ADD2: variants seen among roughly 807,000 people sequenced by gnomAD.
ADD2 encodes adducin 2, also known as beta-adducin.
ADD2 carries 23 observed loss-of-function variants against 83.0 expected under a neutral mutation model. The observed-to-expected ratio is 0.28, with a 90% CI of 0.20 to 0.39. The LOEUF (loss-of-function observed/expected upper bound fraction) is 0.39. Among genes scored for constraint, ADD2 ranks in the 10% least tolerant of loss-of-function variants. The pLI is 1.00. For missense variants in ADD2, 758 were observed against 944.9 expected, an observed-to-expected ratio of 0.80 and a Z score of 2.59; for synonymous variants, 375 against 375.4, an observed-to-expected ratio of 1.00 and a Z score of 0.01.
chr2:70,750,075 T>C (rs528926842), intron 1 of ADD2, among the ~76,000 whole-genome samples: 2 of 151,284 alleles, frequency 1.3e-5, no homozygotes, highest in African/African-American at 2.4e-5. Flanking sequence ...AGGTGCCTGA[T>C]GATGCTCTTG....
intron 1 of ADD2, among the ~76,000 whole-genome samples, chr2:70,739,729 G>A (rs1303101764): frequency 1.3e-5 from 2 of 152,230 alleles, no homozygotes; most frequent in Non-Finnish European, 2.9e-5. Context: ...AGGCACATGG[G>A]TGAAGCTGGA....
intron 1 of ADD2, among the ~76,000 whole-genome samples, chr2:70,753,804 G>GA (rs1423627734): frequency 2.6e-5 from 4 of 152,136 alleles, no homozygotes; most frequent in African/African-American, 9.7e-5. Context: ...CCATGCATCT[G>GA]AAAAAGCCTA....
In ADD2 at chr2:70,692,420, T is replaced by C. The variant is rs1671089877; in HGVS notation, c.688A>G (p.Thr230Ala). ...CCACTCACCGCTGCTGTGGCCGGTG[T>C]GTGCAGGTGGATGATGCAGCGCACG... ...PDVRCIIHLH[T>A]PATAAVSAMK... Residue 230 changes from threonine to alanine, a missense_variant, in exon 7 of 16, where the codon ACA becomes GCA. By Grantham distance (58) the Thr-to-Ala change is moderately conservative (BLOSUM62 0). This residue lies in a region of ADD2 where 394 missense variants were observed against 509.3 expected (regional missense o/e 0.77). Coordinates refer to ENST00000264436, the MANE Select transcript of ADD2 (RefSeq NM_001617.4). The C allele has an allele frequency of 1.3e-6, 2 of 1,580,432 alleles. No individual in the cohort carries two copies. The highest frequency in any genetic ancestry group is 1.2e-5 in the South Asian group (1 of 86,516).
chr2:70,671,522 T>C (rs1271005193), intron 15 of ADD2, among the ~76,000 whole-genome samples: 1 of 152,126 alleles, frequency 6.6e-6, no homozygotes, highest in Non-Finnish European at 1.5e-5. Flanking sequence ...CCCTCCCCCA[T>C]TGCAAGGGTT....
At chr2:70,683,022 C>CTT (rs35087942) in intron 10 of ADD2, among the ~76,000 whole-genome samples, 2,474 of 124,476 alleles carry the variant, frequency 0.02, 83 homozygotes, top group South Asian at 0.047. Flanking sequence ...GGAGTATGAC[C>CTT]TTTTTTTTTT....
At position 70,672,977 on chromosome 2, in the gene ADD2, C is replaced by T. The variant is rs782427414; in HGVS notation, c.1771G>A (p.Gly591Ser). The change falls in exon 15 of 16, where the codon GGC becomes AGC. Residue 591 changes from glycine (G) to serine (S), a missense_variant. Physicochemically the swap from Gly to Ser is moderately conservative, Grantham distance 56. Transcript: ENST00000264436. ...GEKETAPEEP[G>S]SPAKSAPASP... Reference sequence around the variant, plus strand: ...GCAGGTGCAGACTTTGCAGGTGAGCCAGGCTCTTCTGGGGCAGTTTCTTTC... The same window carrying T: ...GCAGGTGCAGACTTTGCAGGTGAGCTAGGCTCTTCTGGGGCAGTTTCTTTC... 6.2e-7 allele frequency: 1 copy of T among 1,613,792 alleles called. No homozygotes were observed. The highest frequency in any genetic ancestry group is 1.3e-5 in the African/African-American group (1 of 74,916).
At chr2:70,699,067 T>G (rs1210695967) in intron 4 of ADD2, among the ~76,000 whole-genome samples, 1 of 152,006 alleles carries the variant, frequency 6.6e-6, no homozygotes, top group Non-Finnish European at 1.5e-5. Flanking sequence ...CTGACAGATG[T>G]TGATTGGTGA....
At chr2:70,704,263 T>TGGGCCCCCCCCCCCCCCCCCCCACC in intron 4 of ADD2, 58 bp downstream of exon 4, 1 of 913,238 alleles carries the variant, frequency 1.1e-6, no homozygotes, top group Non-Finnish European at 1.7e-6. Context: ...CTCCCTCTCT[T>TGGGCCCCCCCCCCCCCCCCCCCACC]CCCCACCCCA....
At chr2:70,665,841 G>T (rs1675774933) in intron 15 of ADD2, among the ~76,000 whole-genome samples, 2 of 143,034 alleles carry the variant, frequency 1.4e-5, no homozygotes, top group African/African-American at 5.5e-5. Flanking sequence ...TCCCGAAACA[G>T]TCCTGCTCTG....
At chr2:70,683,915 G>C (rs1323286982) in intron 9 of ADD2, 148 bp from the exon 10 acceptor site, 1 of 775,422 alleles carries the variant, frequency 1.3e-6, no homozygotes, top group African/African-American at 1.8e-5. Context: ...TGATGGGCAT[G>C]CCCCCATTTC....
chr2:70,768,073 G>C lies in ADD2; in HGVS notation c.-341C>G. On this transcript the variant is annotated 5_prime_UTR_variant, in exon 1 of 16. Transcript: ENST00000264436. Reference sequence around the variant, plus strand: ...GATCCCCCAGCAGTGCAGCGGCTCCGCGGCGGCGGGGATGACTGGCCACCG... The same window carrying C: ...GATCCCCCAGCAGTGCAGCGGCTCCCCGGCGGCGGGGATGACTGGCCACCG... The C allele has an allele frequency of 8.0e-7, 1 of 1,249,610 alleles. No individual in the cohort carries two copies. Among genetic ancestry groups the C allele is most frequent in the East Asian group, 2.6e-5 (1 of 38,878 alleles). 77.4% of individuals were successfully genotyped at this position (1,249,610 alleles called of 1,614,324 possible). A position where few individuals can be genotyped will look rare whatever the true frequency, so the allele number is the denominator to read the frequency against.
intron 1 of ADD2, among the ~76,000 whole-genome samples, chr2:70,719,119 G>A (rs1672610545): frequency 6.6e-6 from 1 of 152,190 alleles, no homozygotes; most frequent in African/African-American, 2.4e-5. Flanking sequence ...GATCCTGCTG[G>A]CCCCTCAAGA....
intron 10 of ADD2, among the ~76,000 whole-genome samples, chr2:70,679,288 G>A (rs557929030): frequency 2.4e-4 from 37 of 152,270 alleles, no homozygotes; most frequent in African/African-American, 8.4e-4. Flanking sequence ...CCCAGCCCTG[G>A]CTGTACACTA....
At chr2:70,670,104 A>C (rs1669839200) in intron 15 of ADD2, among the ~76,000 whole-genome samples, 1 of 152,200 alleles carries the variant, frequency 6.6e-6, no homozygotes, top group Non-Finnish European at 1.5e-5. Context: ...CCGTAATACT[A>C]GTTCTTATTC....
At chr2:70,731,833 C>G (rs1323569087) in intron 1 of ADD2, among the ~76,000 whole-genome samples, 1 of 152,208 alleles carries the variant, frequency 6.6e-6, no homozygotes, top group African/African-American at 2.4e-5. Context: ...ATGGCCAGCC[C>G]ATATGTGTCA....
At chr2:70,739,427 G>C (rs1553380702) in intron 1 of ADD2, among the ~76,000 whole-genome samples, 1 of 152,250 alleles carries the variant, frequency 6.6e-6, no homozygotes, top group African/African-American at 2.4e-5. Context: ...CTTATACAGT[G>C]TTGGTGGAAG....
intron 1 of ADD2, among the ~76,000 whole-genome samples, chr2:70,765,269 C>T (rs1174000977): frequency 6.6e-6 from 1 of 152,226 alleles, no homozygotes; most frequent in African/African-American, 2.4e-5. Flanking sequence ...GTGAGAATCA[C>T]TTGAAGCCAG....
At chr2:70,767,518 AG>A in intron 1 of ADD2, 1 of 353,752 alleles carries the variant, frequency 2.8e-6, no homozygotes, top group Non-Finnish European at 4.0e-6. Context: ...AGGGGAGGGG[AG>A]GGAGGGGAGG....
chr2:70,726,131 GA>G (rs1189437029), intron 1 of ADD2, among the ~76,000 whole-genome samples: 3 of 129,736 alleles, frequency 2.3e-5, no homozygotes, highest in South Asian at 5.0e-4. Context: ...AGCTTGCAGT[GA>G]GCCAAGATCC....
Sources: gnomAD v4.1 joint callset for allele counts (sites outside exome capture counted in the v4.1 genomes callset) on GRCh38, gnomAD v4.1.1 for gene constraint, gnomAD v4.1.1 regional missense constraint, MANE v1.5 for transcripts, NCBI Gene and HGNC (gene_info 2026-07-23, HGNC 2026-07-21) for gene names.